PLEKHH2: variants seen among roughly 807,000 people sequenced by gnomAD.
PLEKHH2 encodes pleckstrin homology, MyTH4 and FERM domain containing H2, also known as pleckstrin homology domain-containing family H member 2.
Under a neutral mutation model 187.9 loss-of-function variants are expected in PLEKHH2, and 129 were observed. The observed-to-expected ratio is 0.69, with a 90% CI of 0.59 to 0.79. The LOEUF (loss-of-function observed/expected upper bound fraction) is 0.79, where lower values mean the gene tolerates loss of function less well. Ranked by LOEUF, PLEKHH2 falls within the 30% of genes least tolerant of loss-of-function variation. PLEKHH2 has a pLI of 0.00. For synonymous variants in PLEKHH2, 686 were observed against 605.6 expected (o/e 1.13, Z -1.95); for missense variants, 2,076 against 1,751.2 (o/e 1.19, Z -3.31).
At chr2:43,658,704 C>A (rs1666912636) in intron 2 of PLEKHH2, 1 of 152,154 alleles carries the variant, frequency 6.6e-6, no homozygotes, top group Non-Finnish European at 1.5e-5. Context: ...GGCTGGCTTC[C>A]CCCAGAGCAA....
chr2:43,736,129 A>T (rs952154601), intron 19 of PLEKHH2, among the ~76,000 whole-genome samples: 1 of 152,204 alleles, frequency 6.6e-6, no homozygotes, highest in African/African-American at 2.4e-5. Flanking sequence ...GAAAATATTT[A>T]CAGATGGTAT....
intron 2 of PLEKHH2, among the ~76,000 whole-genome samples, chr2:43,659,957 A>G (rs1666985475): frequency 6.6e-6 from 1 of 152,202 alleles, no homozygotes; most frequent in South Asian, 2.1e-4. Flanking sequence ...TTTGGCAAAT[A>G]TATATGATTC....
intron 3 of PLEKHH2, among the ~76,000 whole-genome samples, chr2:43,687,983 T>C (rs1307874378): frequency 3.3e-5 from 5 of 152,118 alleles, no homozygotes; most frequent in Admixed American, 2.6e-4. Context: ...ATTTTTTTTG[T>C]AGAGATGCGT....
chr2:43,684,127 G>A (rs534583490), intron 3 of PLEKHH2, among the ~76,000 whole-genome samples: 3 of 152,022 alleles, frequency 2.0e-5, no homozygotes, highest in Non-Finnish European at 2.9e-5. Flanking sequence ...ATAATGCTGT[G>A]TATCCTCTTC....
At chr2:43,713,372 C>A (rs1321202402) in intron 15 of PLEKHH2, among the ~76,000 whole-genome samples, 1 of 152,086 alleles carries the variant, frequency 6.6e-6, no homozygotes, top group Non-Finnish European at 1.5e-5. Flanking sequence ...AGATTCCTTG[C>A]ACAGCATGGT....
rs547571671 is a variant in PLEKHH2, at chr2:43,657,111, TTC to T, written c.123+12317_123+12318del. On this transcript the variant is annotated intron_variant, in intron 2 of 29. Coordinates refer to ENST00000282406, the MANE Select transcript of PLEKHH2 (RefSeq NM_172069.4). ...TATTTGTTCATGATTCTGTTGGTGG[TTC>T]TTTTACTCTGTTTGGCATTGAATGG... is the stretch of plus-strand genomic sequence containing the variant. Among the ~76,000 whole-genome samples, 316 of 152,306 alleles carry T rather than the reference TTC, an allele frequency of 2.1e-3. 1 individual carries two copies. The highest frequency in any genetic ancestry group is 7.1e-3 in the African/African-American group (295 of 41,568).
At chr2:43,735,141 G>C (rs187498369) in intron 19 of PLEKHH2, among the ~76,000 whole-genome samples, 9 of 152,262 alleles carry the variant, frequency 5.9e-5, no homozygotes, top group Non-Finnish European at 7.4e-5. Context: ...AGTGAGCCGA[G>C]AGTGTGCCAC....
chr2:43,708,426 A>G (rs143367762), intron 11 of PLEKHH2, among the ~76,000 whole-genome samples: 2 of 152,182 alleles, frequency 1.3e-5, no homozygotes, highest in Non-Finnish European at 2.9e-5. Flanking sequence ...TGTTTCCTCC[A>G]GCTGGTATTC....
rs1669661026 is a variant in PLEKHH2, at chr2:43,706,443, C to A, written c.1821+27C>A. On this transcript the variant is annotated intron_variant, in intron 10 of 29. Transcript: ENST00000282406. ...TAACTCATTATTGTTATTGTTAAAA[C>A]ATGTGCTTCTCTTCATGATGGATCA... The A allele has an allele frequency of 2.8e-6, 4 of 1,443,554 alleles. No individual in the cohort carries two copies. In the East Asian group the frequency reaches 9.1e-5, roughly 33 times the overall value. 89.4% of individuals were successfully genotyped at this position (1,443,554 alleles called of 1,614,324 possible). A position where few individuals can be genotyped will look rare whatever the true frequency, so the allele number is the denominator to read the frequency against.
chr2:43,707,180 G>T (rs559048511), intron 10 of PLEKHH2, among the ~76,000 whole-genome samples: 125 of 110,160 alleles, frequency 1.1e-3, no homozygotes, highest in African/African-American at 4.7e-3. Context: ...TGGGTGACAA[G>T]AGCAAGACTC....
chr2:43,741,199 G>C, intron 21 of PLEKHH2, 156 bp downstream of exon 21: 1 of 539,310 alleles, frequency 1.9e-6, no homozygotes, highest in South Asian at 4.1e-5. Flanking sequence ...TGTGGAGCTA[G>C]GAAAATATTT....
intron 2 of PLEKHH2, among the ~76,000 whole-genome samples, chr2:43,657,887 G>T (rs1245846739): frequency 6.6e-6 from 1 of 152,134 alleles, no homozygotes; most frequent in African/African-American, 2.4e-5. Flanking sequence ...AAAATTTTAA[G>T]GGTAAACAGT....
intron 2 of PLEKHH2, chr2:43,676,416 G>T: frequency 3.0e-6 from 3 of 1,000,750 alleles, no homozygotes; most frequent in Non-Finnish European, 4.3e-6. Context: ...CTGCGCTCCC[G>T]GTTGGGCCAC....
intron 4 of PLEKHH2, among the ~76,000 whole-genome samples, 196 bp downstream of exon 4, chr2:43,692,859 A>C (rs1205900622): frequency 6.6e-6 from 1 of 152,202 alleles, no homozygotes; most frequent in Non-Finnish European, 1.5e-5. Flanking sequence ...AGTGATTCCA[A>C]GGCAAGATCT....
chr2:43,659,400 T>A (rs1666955862), intron 2 of PLEKHH2, among the ~76,000 whole-genome samples: 1 of 151,994 alleles, frequency 6.6e-6, no homozygotes, highest in South Asian at 2.1e-4. Flanking sequence ...AAAAAATAGA[T>A]GTTATTCTCA....
At chr2:43,668,917 A>G (rs1252646677) in intron 2 of PLEKHH2, among the ~76,000 whole-genome samples, 1 of 152,174 alleles carries the variant, frequency 6.6e-6, no homozygotes, top group Non-Finnish European at 1.5e-5. Flanking sequence ...CATCCCTGAT[A>G]TTATGCACAA....
chr2:43,759,172 G>C, intron 27 of PLEKHH2, 143 bp downstream of exon 27: 2 of 1,292,778 alleles, frequency 1.5e-6, no homozygotes, highest in Non-Finnish European at 2.0e-6. Context: ...AGAGACACTA[G>C]AGAAAGGGCA....
chr2:43,681,700 G>T, intron 3 of PLEKHH2: 1 of 538,314 alleles, frequency 1.9e-6, no homozygotes, highest in Non-Finnish European at 3.3e-6. Context: ...TCAGGCCACT[G>T]AGGGCCAGGC....
intron 3 of PLEKHH2, among the ~76,000 whole-genome samples, chr2:43,685,809 C>G (rs891449638): frequency 1.3e-4 from 20 of 152,132 alleles, no homozygotes; most frequent in Admixed American, 1.3e-3. Context: ...CAACCCAGTT[C>G]TACTTATGAG....
Sources: allele counts gnomAD v4.1 joint callset (sites outside exome capture counted in the v4.1 genomes callset), GRCh38; gene constraint gnomAD v4.1.1; transcripts MANE v1.5; gene names NCBI Gene and HGNC (gene_info 2026-07-23, HGNC 2026-07-21).